SEMA3E: variants seen among roughly 807,000 people sequenced by gnomAD.
The protein encoded by SEMA3E is semaphorin 3E, also known as semaphorin-3E.
Under a neutral mutation model 93.6 loss-of-function variants are expected in SEMA3E, and 49 were observed. The observed-to-expected ratio is 0.52, with a 90% confidence interval of 0.42 to 0.66. SEMA3E has a LOEUF of 0.66. Among genes scored for constraint, SEMA3E ranks in the 30% least tolerant of loss-of-function variants. SEMA3E has a pLI of 0.00. For synonymous variants in SEMA3E, 363 were observed against 330.7 expected, an observed-to-expected ratio of 1.10 and a Z score of -1.06; for missense variants, 906 against 964.8, an observed-to-expected ratio of 0.94 and a Z score of 0.81.
At chr7:83,439,259 G>A (rs1266719419) in intron 4 of SEMA3E, among the ~76,000 whole-genome samples, 1 of 152,150 alleles carries the variant, frequency 6.6e-6, no homozygotes, top group Non-Finnish European at 1.5e-5. Flanking sequence ...AAGAAAGAAA[G>A]GAATTGCTGG....
At chr7:83,638,275 G>A (rs1377382120) in intron 1 of SEMA3E, among the ~76,000 whole-genome samples, 1 of 152,100 alleles carries the variant, frequency 6.6e-6, no homozygotes. Context: ...ACACTGTTGG[G>A]CAGTTCTTTA....
intron 4 of SEMA3E, among the ~76,000 whole-genome samples, chr7:83,458,055 T>G (rs1789526305): frequency 2.0e-5 from 3 of 151,558 alleles, no homozygotes; most frequent in African/African-American, 4.8e-5. Context: ...ATATATAATT[T>G]TTTCAAAATA....
At chr7:83,584,870 A>C (rs559470224) in intron 1 of SEMA3E, among the ~76,000 whole-genome samples, 11 of 152,168 alleles carry the variant, frequency 7.2e-5, no homozygotes, top group African/African-American at 2.6e-4. Flanking sequence ...TCTTCCTAGA[A>C]CAGCAAACAC....
chr7:83,389,372 G>A (rs1275129651), intron 14 of SEMA3E, among the ~76,000 whole-genome samples: 1 of 124,754 alleles, frequency 8.0e-6, no homozygotes. Context: ...GGCCGAGATG[G>A]TGTTGTATAA....
intron 1 of SEMA3E, among the ~76,000 whole-genome samples, chr7:83,510,257 T>TTA (rs1188633996): frequency 2.0e-5 from 3 of 152,166 alleles, no homozygotes; most frequent in Non-Finnish European, 4.4e-5. Context: ...CATAGACCCT[T>TTA]TTTATAGATA....
intron 1 of SEMA3E, among the ~76,000 whole-genome samples, chr7:83,634,384 T>G (rs1020372238): frequency 6.6e-5 from 10 of 151,878 alleles, no homozygotes; most frequent in Non-Finnish European, 1.5e-4. Context: ...GATAATTCAG[T>G]TTTTTTTCTC....
At chr7:83,600,975 G>A (rs1404691886) in intron 1 of SEMA3E, among the ~76,000 whole-genome samples, 7 of 152,154 alleles carry the variant, frequency 4.6e-5, no homozygotes, top group Non-Finnish European at 1.0e-4. Context: ...TTGAGATGGG[G>A]AGTTTATTCT....
At chr7:83,564,709 T>C (rs1228466438) in intron 1 of SEMA3E, among the ~76,000 whole-genome samples, 1 of 152,204 alleles carries the variant, frequency 6.6e-6, no homozygotes, top group East Asian at 1.9e-4. Flanking sequence ...CTTTAACACC[T>C]GACTTGGTAT....
intron 1 of SEMA3E, among the ~76,000 whole-genome samples, chr7:83,567,592 G>A (rs1411610346): frequency 6.6e-6 from 1 of 151,980 alleles, no homozygotes; most frequent in African/African-American, 2.4e-5. Context: ...CCAGAAGTCA[G>A]TAACAAGAAG....
At chr7:83,482,729 A>C (rs1790173443) in intron 2 of SEMA3E, among the ~76,000 whole-genome samples, 1 of 152,150 alleles carries the variant, frequency 6.6e-6, no homozygotes, top group Admixed American at 6.6e-5. Context: ...CCATCTTATA[A>C]GTAAACTGAC....
intron 1 of SEMA3E, chr7:83,641,303 G>C (rs1189752973): frequency 2.6e-6 from 2 of 780,944 alleles, no homozygotes; most frequent in Non-Finnish European, 3.1e-6. Flanking sequence ...CTAAGTGTCA[G>C]GAACTGTGCA....
At chr7:83,497,115 T>A (rs1790503990) in intron 1 of SEMA3E, among the ~76,000 whole-genome samples, 1 of 152,166 alleles carries the variant, frequency 6.6e-6, no homozygotes, top group Non-Finnish European at 1.5e-5. Context: ...TCAATGAAGA[T>A]ATACTCTGAG....
chr7:83,612,072 A>C (rs557755996), intron 1 of SEMA3E, among the ~76,000 whole-genome samples: 2 of 152,106 alleles, frequency 1.3e-5, no homozygotes, highest in African/African-American at 2.4e-5. Flanking sequence ...CTTTCCTTCC[A>C]GGTTTCCAAA....
intron 2 of SEMA3E, among the ~76,000 whole-genome samples, chr7:83,472,186 G>T (rs889341986): frequency 1.3e-5 from 2 of 152,104 alleles, no homozygotes; most frequent in Admixed American, 6.6e-5. Flanking sequence ...ACTGCTCTCC[G>T]AAATGGCTAC....
intron 1 of SEMA3E, among the ~76,000 whole-genome samples, chr7:83,619,755 A>G (rs1164263000): frequency 6.6e-6 from 1 of 151,830 alleles, no homozygotes; most frequent in Non-Finnish European, 1.5e-5. Context: ...TTAAAAGGAG[A>G]GACAAAATGA....
intron 2 of SEMA3E, among the ~76,000 whole-genome samples, chr7:83,470,983 CAT>C (rs1264256376): frequency 6.6e-6 from 1 of 150,842 alleles, no homozygotes; most frequent in Admixed American, 6.7e-5. Flanking sequence ...ACATTTTCTA[CAT>C]AGTTACAATG....
intron 5 of SEMA3E, among the ~76,000 whole-genome samples, chr7:83,412,765 A>T (rs906068801): frequency 3.6e-4 from 55 of 151,404 alleles, no homozygotes; most frequent in African/African-American, 1.3e-3. Flanking sequence ...AAAAGATAAA[A>T]AAAAAAAAAA....
At chr7:83,470,331 G>T (rs1169560548) in intron 2 of SEMA3E, among the ~76,000 whole-genome samples, 2 of 126,750 alleles carry the variant, frequency 1.6e-5, no homozygotes, top group Non-Finnish European at 3.5e-5. Flanking sequence ...ATTTTTGGAA[G>T]AAATTTTTTA....
At chr7:83,380,670 T>C (rs1010383360) in intron 16 of SEMA3E, among the ~76,000 whole-genome samples, 2 of 151,930 alleles carry the variant, frequency 1.3e-5, no homozygotes, top group Non-Finnish European at 2.9e-5. Flanking sequence ...TTTTCCTTGG[T>C]TTCAACAGAA....
Sources: gnomAD v4.1 joint callset for allele counts (sites outside exome capture counted in the v4.1 genomes callset) on GRCh38, gnomAD v4.1.1 for gene constraint, MANE v1.5 for transcripts, NCBI Gene and HGNC (gene_info 2026-07-23, HGNC 2026-07-21) for gene names.